The following MERTK variants were observed in gnomAD, a reference collection of about 807,000 sequenced individuals.
The protein encoded by MERTK is MER proto-oncogene, tyrosine kinase, also known as tyrosine-protein kinase Mer.
MERTK carries 69 observed loss-of-function variants against 99.3 expected under a neutral mutation model. The observed-to-expected ratio is 0.70, with a 90% confidence interval of 0.57 to 0.85. MERTK has a LOEUF of 0.85. MERTK is among the 40% of genes least tolerant of loss of function. The pLI is 0.00. For missense variants in MERTK, 1,125 were observed against 1,249.4 expected (o/e 0.90, Z 1.50); for synonymous variants, 426 against 467.6 (o/e 0.91, Z 1.15).
At chr2:111,994,474 A>C in intron 9 of MERTK, 70 bp downstream of exon 9, 2 of 1,579,796 alleles carry the variant, frequency 1.3e-6, no homozygotes, top group Non-Finnish European at 8.7e-7. Context: ...GCCAGAAAGT[A>C]ACCTGGGGGA....
At chr2:111,944,862 A>G (rs1684936212) in intron 2 of MERTK, 98 bp from the exon 3 acceptor site, 1 of 1,010,806 alleles carries the variant, frequency 9.9e-7, no homozygotes, top group East Asian at 2.6e-5. Flanking sequence ...AAAATTAACT[A>G]TCACAGCATA....
chr2:111,933,562 G>A (rs1376829083), intron 2 of MERTK, among the ~76,000 whole-genome samples: 3 of 151,956 alleles, frequency 2.0e-5, no homozygotes, highest in African/African-American at 7.3e-5. Context: ...TTTCTAAAAG[G>A]TATTAGGATC....
chr2:112,015,064 CCA>C (rs942776283), intron 15 of MERTK, among the ~76,000 whole-genome samples: 2 of 152,162 alleles, frequency 1.3e-5, no homozygotes, highest in African/African-American at 4.8e-5. Flanking sequence ...TATGCTTCTA[CCA>C]CAGTTTATCT....
intron 15 of MERTK, among the ~76,000 whole-genome samples, chr2:112,017,638 A>C (rs1677245835): frequency 1.3e-5 from 2 of 152,088 alleles, no homozygotes; most frequent in African/African-American, 4.8e-5. Context: ...GTCTCAAAAA[A>C]AAAAAAATTC....
intron 1 of MERTK, among the ~76,000 whole-genome samples, chr2:111,925,275 G>GATAGATATATAT: frequency 1.9e-5 from 1 of 52,176 alleles, no homozygotes; most frequent in South Asian, 7.1e-4. Flanking sequence ...GTACAGATCA[G>GATAGATATATAT]ATATATATAT....
intron 1 of MERTK, among the ~76,000 whole-genome samples, chr2:111,918,356 A>T (rs2104674072): frequency 6.6e-6 from 1 of 152,334 alleles, no homozygotes; most frequent in East Asian, 1.9e-4. Flanking sequence ...TAGTAATAGT[A>T]ATTTACGTAC....
In MERTK at chr2:112,008,488, A is replaced by C; in HGVS notation, c.1960+13A>C. On this transcript the variant is annotated intron_variant, in intron 14 of 18. Transcript: ENST00000295408. The stretch of plus-strand genomic sequence containing the variant: ...ATTCGACTTCTAGGTACTTCCGAGA[A>C]ATGCAGGAGTGGGTGGCCAAGAGGG... 1 of 1,605,720 alleles carries C rather than the reference A, an allele frequency of 6.2e-7. No individual in the cohort carries two copies. Among genetic ancestry groups the C allele is most frequent in the Non-Finnish European group, 8.5e-7 (1 of 1,172,368 alleles).
chr2:111,951,391 TGTAA>T (rs1685051905), intron 4 of MERTK, among the ~76,000 whole-genome samples: 1 of 151,856 alleles, frequency 6.6e-6, no homozygotes, highest in Admixed American at 6.6e-5. Context: ...AGATTGCACA[TGTAA>T]GTGAGACCAT....
chr2:111,976,252 C>G (rs1676244945), intron 7 of MERTK, among the ~76,000 whole-genome samples: 1 of 152,314 alleles, frequency 6.6e-6, no homozygotes, highest in East Asian at 1.9e-4. Flanking sequence ...GAACCCTGTT[C>G]TCTTGTTTTT....
intron 1 of MERTK, among the ~76,000 whole-genome samples, chr2:111,923,398 C>CATG (rs1684501347): frequency 6.6e-6 from 1 of 152,198 alleles, no homozygotes; most frequent in Admixed American, 6.6e-5. Context: ...ATTGGAAACA[C>CATG]ATGGGCACAG....
intron 2 of MERTK, 68 bp from the exon 3 acceptor site, chr2:111,944,892 G>C: frequency 7.6e-7 from 1 of 1,316,820 alleles, no homozygotes; most frequent in South Asian, 1.2e-5. Context: ...AGTTGAAGAA[G>C]TTTCCATCCT....
At position 111,962,881 on chromosome 2, in the gene MERTK, C is replaced by A. The variant is rs952467603; in HGVS notation, c.758-2310C>A. On this transcript the variant is annotated intron_variant, in intron 4 of 18. Transcript: ENST00000295408. ...TGCTCCTCCACACCTGTGGGTGTTT[C>A]TTTTTAGGTGGAACGAGAGACTTGG... Among the ~76,000 whole-genome samples, 43 of 152,206 alleles carry A rather than the reference C, an allele frequency of 2.8e-4. 1 individual carries two copies. Among genetic ancestry groups the A allele is most frequent in the African/African-American group, 9.9e-4 (41 of 41,512 alleles).
chr2:112,010,635 C>T (rs546358732), intron 15 of MERTK, among the ~76,000 whole-genome samples: 11 of 152,248 alleles, frequency 7.2e-5, no homozygotes, highest in East Asian at 5.8e-4. Flanking sequence ...ACCATGGAGA[C>T]GCTTGCCTTT....
At position 112,029,058 on chromosome 2, in the gene MERTK, G is replaced by T; in HGVS notation, c.*194G>T. 1 of 1,324,392 alleles carries T rather than the reference G, an allele frequency of 7.6e-7. No individual in the cohort carries two copies. 82.0% of individuals were successfully genotyped at this position (1,324,392 alleles called of 1,614,324 possible). A position where few individuals can be genotyped will look rare whatever the true frequency, so the allele number is the denominator to read the frequency against. ...ATATTTATTTAAAGAGAAAAAATATGTGTATATCATGGAAAAAGACAAGGA... is the reference window on the plus strand; with the variant it reads ...ATATTTATTTAAAGAGAAAAAATATTTGTATATCATGGAAAAAGACAAGGA... On this transcript the variant is annotated 3_prime_UTR_variant, in exon 19 of 19. Coordinates refer to ENST00000295408, the MANE Select transcript of MERTK (RefSeq NM_006343.3).
At chr2:111,943,933 C>T (rs78922367) in intron 2 of MERTK, among the ~76,000 whole-genome samples, 10,832 of 152,180 alleles carry the variant, frequency 0.071, 493 homozygotes, top group Middle Eastern at 0.15. Context: ...AACAACTCCA[C>T]AAATTTCCAA....
chr2:111,958,902 G>A (rs17042089), intron 4 of MERTK, among the ~76,000 whole-genome samples: 5 of 151,914 alleles, frequency 3.3e-5, no homozygotes, highest in African/African-American at 9.7e-5. Flanking sequence ...CTTATGACAA[G>A]TTTGGAATGT....
chr2:111,968,301 G>C (rs1236162613), intron 6 of MERTK, 49 bp downstream of exon 6: 1 of 1,477,528 alleles, frequency 6.8e-7, no homozygotes, highest in Non-Finnish European at 9.5e-7. Context: ...GCTCTCTGTG[G>C]GTTTAAGGAT....
In MERTK at chr2:111,994,379, A is replaced by G. The variant is rs1676692452; in HGVS notation, c.1425A>G (p.Pro475=). 1 of 1,614,208 alleles carries G rather than the reference A, an allele frequency of 6.2e-7. No individual in the cohort carries two copies. Among genetic ancestry groups the G allele is most frequent in the Non-Finnish European group, 8.5e-7 (1 of 1,180,042 alleles). The part of the protein sequence containing the change: ...TRGGVGPFSD[P]VKIFIPAHGW... ...GGGGAGTTGGGCCCTTCAGTGATCC[A>G]GTGAAAATATTTATCCCTGCACACG... The change falls in exon 9 of 19, where the codon CCA becomes CCG. Residue 475 remains proline (P), a synonymous_variant. Transcript: ENST00000295408.
intron 5 of MERTK, among the ~76,000 whole-genome samples, chr2:111,965,534 T>G (rs973266163): frequency 2.8e-4 from 43 of 152,220 alleles, no homozygotes; most frequent in Non-Finnish European, 5.6e-4. Context: ...GGCATATAGG[T>G]CTTTGATAAA....
Sources: gnomAD v4.1 joint callset for allele counts (sites outside exome capture counted in the v4.1 genomes callset) on GRCh38, gnomAD v4.1.1 for gene constraint, MANE v1.5 for transcripts, NCBI Gene and HGNC (gene_info 2026-07-23, HGNC 2026-07-21) for gene names.